MAP1A: variants seen among roughly 807,000 people sequenced by gnomAD.
MAP1A encodes the protein microtubule associated protein 1A.
In MAP1A, 42 loss-of-function variants were observed where a neutral mutation model predicts 185.9. That is an observed-to-expected ratio of 0.23 (90% CI 0.18 to 0.29). The LOEUF is 0.29. Among genes scored for constraint, MAP1A ranks in the 10% least tolerant of loss-of-function variants. The pLI is 1.00. For synonymous variants in MAP1A, 1,229 were observed against 1,335.9 expected (o/e 0.92, Z 1.74); for missense variants, 2,995 against 3,450.4 (o/e 0.87, Z 3.31).
At chr15:43,513,750 G>T (rs1485350109), upstream of MAP1A, among the ~76,000 whole-genome samples, 3 of 152,216 alleles carry the variant, frequency 2.0e-5, no homozygotes, top group Non-Finnish European at 4.4e-5. Context: ...GAATGTTTCT[G>T]TTTAGAATTA....
chr15:43,526,340 C>T lies in MAP1A; in HGVS notation c.4867C>T (p.Leu1623=). 1 of 1,613,986 alleles carries T rather than the reference C, an allele frequency of 6.2e-7. No individual in the cohort carries two copies. The highest frequency in any genetic ancestry group is 8.5e-7 in the Non-Finnish European group (1 of 1,180,000). ...ALLEKTKALG[L]EESLVQEGRA... The stretch of plus-strand genomic sequence containing the variant: ...TCTGGAGAAGACCAAAGCTCTGGGC[C>T]TGGAAGAGAGCCTAGTGCAGGAGGG... The change falls in exon 4 of 6, where the codon CTG becomes TTG. Residue 1623 remains leucine, a synonymous_variant. Transcript: ENST00000300231. This position sits in a 1 kb window ranked among gnomAD's most constrained non-coding sequence, Gnocchi z 4.7.
At chr15:43,520,763 C>A in intron 2 of MAP1A, 40 bp downstream of exon 2, 1 of 1,474,676 alleles carries the variant, frequency 6.8e-7, no homozygotes. Context: ...AGGCCTGGTG[C>A]AAGTGCTATA....
At chr15:43,511,149 A>C (rs1595642728) in exon 1 of MAP1A, 1 of 1,550,550 alleles carries the variant, frequency 6.4e-7, no homozygotes, top group Middle Eastern at 1.7e-4. Flanking sequence ...GACCTGCAGA[A>C]GCACTCTTTG....
upstream of MAP1A, among the ~76,000 whole-genome samples, chr15:43,515,525 C>G (rs2079294177): frequency 6.6e-6 from 1 of 152,180 alleles, no homozygotes; most frequent in East Asian, 1.9e-4. Flanking sequence ...TCCTTGATCA[C>G]CTAGATGACC....
At chr15:43,516,608 C>T (rs528845586), upstream of MAP1A, among the ~76,000 whole-genome samples, 4 of 152,172 alleles carry the variant, frequency 2.6e-5, no homozygotes, top group Admixed American at 6.5e-5. Flanking sequence ...AGTCCTAGAG[C>T]GCTTTACTAA....
rs773584125 is a variant in MAP1A, at chr15:43,527,451, C to G, written c.5978C>G (p.Ala1993Gly). 43 of 1,614,068 alleles carry G rather than the reference C, an allele frequency of 2.7e-5. No homozygotes were observed. In the Admixed American group the frequency reaches 5.2e-4, roughly 19 times the overall value. ...CPTREPPLGA[A>G]GDWPPCLSTK... ...ACTAGAGAGCCTCCACTTGGAGCAGCTGGGGATTGGCCCCCATGCCTCTCA... is the reference window on the plus strand; with the variant it reads ...ACTAGAGAGCCTCCACTTGGAGCAGGTGGGGATTGGCCCCCATGCCTCTCA... The change falls in exon 4 of 6, where the codon GCT becomes GGT. Residue 1993 changes from alanine (A) to glycine (G), a missense_variant. Ala to Gly is a moderately conservative substitution (Grantham distance 60). Coordinates refer to ENST00000300231, the MANE Select transcript of MAP1A (RefSeq NM_002373.6).
At position 43,526,399 on chromosome 15, in the gene MAP1A, G is replaced by A; in HGVS notation, c.4926G>A (p.Arg1642=). The A allele has an allele frequency of 6.2e-7, 1 of 1,614,196 alleles. No homozygotes were observed. Among genetic ancestry groups the A allele is most frequent in the Non-Finnish European group, 8.5e-7 (1 of 1,180,032 alleles). The change falls in exon 4 of 6, where the codon AGG becomes AGA. Residue 1642 remains arginine, a synonymous_variant. Transcript: ENST00000300231. This position sits in a 1 kb window ranked among gnomAD's most constrained non-coding sequence, Gnocchi z 4.7. Reference sequence around the variant, plus strand: ...GAGAGCAGGAAGAAAAGTACTGGAGGGGGCAGGATGTGGTCCAGGAGTGGC... The same window carrying A: ...GAGAGCAGGAAGAAAAGTACTGGAGAGGGCAGGATGTGGTCCAGGAGTGGC... ...RAREQEEKYW[R]GQDVVQEWQE...
Position 43,528,726 on chromosome 15 carries a change from G to C in MAP1A, c.7253G>C (p.Gly2418Ala), listed in dbSNP as rs753978176. Residue 2418 changes from glycine (G) to alanine (A), a missense_variant, in exon 4 of 6, where the codon GGC becomes GCC. This residue lies in a region of MAP1A where 2,728 missense variants were observed against 2,986.0 expected (regional missense o/e 0.91). Coordinates refer to ENST00000300231, the MANE Select transcript of MAP1A (RefSeq NM_002373.6). The stretch of plus-strand genomic sequence containing the variant: ...GAGCAGCCAGTGTGTCCTGCAGGGG[G>C]CTCCGGGGGCCCACCCAGCAGTGCC... ...SPEQPVCPAG[G>A]SGGPPSSASP... 5 of 1,613,022 alleles carry C rather than the reference G, an allele frequency of 3.1e-6. No homozygotes were observed.
Position 43,527,102 on chromosome 15 carries a change from T to C in MAP1A, c.5629T>C (p.Ser1877Pro), listed in dbSNP as rs754014847. ...APESHTPAPFSWGTAEYDSVV... is the reference protein window; with the variant it reads ...APESHTPAPFPWGTAEYDSVV... ...GGAATCCCATACTCCTGCACCCTTCTCTTGGGGCACAGCCGAGTATGACAG... is the reference window on the plus strand; with the variant it reads ...GGAATCCCATACTCCTGCACCCTTCCCTTGGGGCACAGCCGAGTATGACAG... The change falls in exon 4 of 6, where the codon TCT becomes CCT. Residue 1877 changes from serine to proline, a missense_variant. Coordinates refer to ENST00000300231, the MANE Select transcript of MAP1A (RefSeq NM_002373.6). The C allele has an allele frequency of 1.9e-6, 3 of 1,596,134 alleles. No homozygotes were observed. The East Asian group carries it at 6.7e-5, about 36-fold the overall frequency.
At chr15:43,518,565 G>GTGGGGGCGGAGC (rs1307073668) in intron 1 of MAP1A, among the ~76,000 whole-genome samples, 1 of 152,012 alleles carries the variant, frequency 6.6e-6, no homozygotes, top group Non-Finnish European at 1.5e-5. Context: ...GGGGTGGGGG[G>GTGGGGGCGGAGC]TGGGGGCGGA....
Position 43,521,446 on chromosome 15 carries a change from G to A in MAP1A, c.-28G>A. Reference sequence around the variant, plus strand: ...GTTCCCAAGAGACCCTGCACCTCCGGCTAAACCCTGAGCCCACTCTGCCCA... The same window carrying A: ...GTTCCCAAGAGACCCTGCACCTCCGACTAAACCCTGAGCCCACTCTGCCCA... On this transcript the variant is annotated 5_prime_UTR_variant, in exon 4 of 6. Coordinates refer to ENST00000300231, the MANE Select transcript of MAP1A (RefSeq NM_002373.6). This position sits in a 1 kb window ranked among gnomAD's most constrained non-coding sequence, Gnocchi z 4.6. 2 of 1,614,096 alleles carry A rather than the reference G, an allele frequency of 1.2e-6. No homozygotes were observed. Among genetic ancestry groups the A allele is most frequent in the South Asian group, 1.1e-5 (1 of 91,082 alleles).
At chr15:43,514,305 A>T (rs1426044788), upstream of MAP1A, among the ~76,000 whole-genome samples, 1 of 152,186 alleles carries the variant, frequency 6.6e-6, no homozygotes, top group Non-Finnish European at 1.5e-5. Flanking sequence ...AAAAACCCAC[A>T]CAGCTCAAGA....
In MAP1A at chr15:43,526,585, G is replaced by T. The variant is rs772973701; in HGVS notation, c.5112G>T (p.Arg1704=). The T allele has an allele frequency of 6.2e-7, 1 of 1,614,186 alleles. No individual in the cohort carries two copies. The highest frequency in any genetic ancestry group is 1.1e-5 in the South Asian group (1 of 91,084). ...ACTGGAGGGAGCTAAGCTGTGAGCG[G>T]AAGGTCTGGTTCCCTCACGAGCTGG... ...DTYWRELSCE[R]KVWFPHELDG... is the part of the protein sequence containing the mutation. Residue 1704 remains arginine, a synonymous_variant, in exon 4 of 6, where the codon CGG becomes CGT. Transcript: ENST00000300231. This position sits in a 1 kb window ranked among gnomAD's most constrained non-coding sequence, Gnocchi z 4.7.
chr15:43,523,256 C>G lies in MAP1A; in HGVS notation c.1783C>G (p.Leu595Val), dbSNP rs1190925440. 1.9e-6 allele frequency: 3 copies of G among 1,613,820 alleles called. No individual in the cohort carries two copies. The highest frequency in any genetic ancestry group is 2.5e-6 in the Non-Finnish European group (3 of 1,179,918). The change falls in exon 4 of 6, where the codon CTT becomes GTT. Residue 595 changes from leucine to valine, a missense_variant. Physicochemically the swap from Leu to Val is conservative, Grantham distance 32. Transcript: ENST00000300231. ...AGAACATGTGATGAAGGAGAAAGAG[C>G]TTGTCCCAGAGGTCCCTGAGGAACA... ...QEEHVMKEKELVPEVPEEQGS... is the reference protein window; with the variant it reads ...QEEHVMKEKEVVPEVPEEQGS...
Position 43,528,847 on chromosome 15 carries a change from C to A in MAP1A, c.7374C>A (p.Pro2458=). Residue 2458 remains proline (P), a synonymous_variant, in exon 4 of 6, where the codon CCC becomes CCA. Transcript: ENST00000300231. ...LSPSFLNPPL[P]PSIDDRDLST... The stretch of plus-strand genomic sequence containing the variant: ...CATCCTTCCTGAACCCACCTCTGCC[C>A]CCATCCATAGATGATAGGGACCTCT... The A allele has an allele frequency of 1.2e-6, 2 of 1,613,432 alleles. No individual in the cohort carries two copies. Among genetic ancestry groups the A allele is most frequent in the Non-Finnish European group, 1.7e-6 (2 of 1,179,840 alleles).
Position 43,526,842 on chromosome 15 carries a change from G to C in MAP1A, c.5369G>C (p.Arg1790Pro). 6.2e-7 allele frequency: 1 copy of C among 1,614,066 alleles called. No homozygotes were observed. Among genetic ancestry groups the C allele is most frequent in the Non-Finnish European group, 8.5e-7 (1 of 1,180,018 alleles). ...CCAGAGGAAGAGGACAAACTGACCC[G>C]CTCTCCCTTTGAGATCATCTCCCCT... is the stretch of plus-strand genomic sequence containing the variant. ...LPPEEEDKLT[R>P]SPFEIISPPA... The change falls in exon 4 of 6, where the codon CGC (arginine) becomes CCC (proline). Residue 1790 changes from arginine to proline, a missense_variant. By Grantham distance (103) the Arg-to-Pro change is moderately radical. Around this residue, in one of 3 missense-constraint regions of MAP1A, gnomAD observed 2,728 missense variants for 2,986.0 expected, o/e 0.91. Transcript: ENST00000300231. The surrounding 1 kb of genome is among the most constrained non-coding windows in gnomAD (Gnocchi z 4.7).
chr15:43,523,060 G>A lies in MAP1A; in HGVS notation c.1587G>A (p.Glu529=). ...GHRELVLSSP[E]DLTQDFEEMK... ...GGGAGCTGGTCCTATCCTCACCAGA[G>A]GACCTCACACAGGACTTTGAGGAGA... The change falls in exon 4 of 6, where the codon GAG becomes GAA. Residue 529 remains glutamate, a synonymous_variant. Coordinates refer to ENST00000300231, the MANE Select transcript of MAP1A (RefSeq NM_002373.6). The A allele has an allele frequency of 6.2e-7, 1 of 1,614,172 alleles. No homozygotes were observed. The highest frequency in any genetic ancestry group is 8.5e-7 in the Non-Finnish European group (1 of 1,180,036).
rs2079329810 is a variant in MAP1A, at chr15:43,523,696, T to G, written c.2223T>G (p.Pro741=). The change falls in exon 4 of 6, where the codon CCT becomes CCG. Residue 741 remains proline, a synonymous_variant. Transcript: ENST00000300231. ...CTTACATCCAGGATGAGACAATCCC[T>G]GGCTACTCAGAGACTGAGCAGACCA... The part of the protein sequence containing the change: ...HVSYIQDETI[P]GYSETEQTIS... 3 of 1,613,788 alleles carry G rather than the reference T, an allele frequency of 1.9e-6. No homozygotes were observed. In the South Asian group the frequency reaches 3.3e-5, roughly 18 times the overall value.
chr15:43,513,529 CT>C (rs1000689835), upstream of MAP1A, among the ~76,000 whole-genome samples: 19 of 152,334 alleles, frequency 1.2e-4, no homozygotes, highest in African/African-American at 4.6e-4. Flanking sequence ...ATCTCTCCTC[CT>C]TTTCCACTGC....
Sources: gnomAD v4.1 joint callset for allele counts (sites outside exome capture counted in the v4.1 genomes callset) on GRCh38, gnomAD v4.1.1 for gene constraint, gnomAD v4.1.1 regional missense constraint, Gnocchi (gnomAD v3.1) non-coding constraint, MANE v1.5 for transcripts, NCBI Gene and HGNC (gene_info 2026-07-23, HGNC 2026-07-21) for gene names.